The following COL16A1 variants were observed in gnomAD, a reference collection of about 807,000 sequenced individuals.
COL16A1 encodes collagen alpha-1(XVI) chain.
Under a neutral mutation model 266.3 loss-of-function variants are expected in COL16A1, and 189 were observed. The ratio of observed to expected loss-of-function variants is 0.71; its 90% CI spans 0.63 to 0.80. The LOEUF (loss-of-function observed/expected upper bound fraction) is 0.80, where lower values mean the gene tolerates loss of function less well. Among genes scored for constraint, COL16A1 ranks in the 30% least tolerant of loss-of-function variants. The pLI is 0.00. For missense variants in COL16A1, 1,928 were observed against 2,122.4 expected (o/e 0.91, Z 1.80); for synonymous variants, 740 against 782.3 (o/e 0.95, Z 0.90).
At chr1:31,667,722 A>G (rs1642262186) in intron 51 of COL16A1, 94 bp from the exon 52 acceptor site, 2 of 1,249,352 alleles carry the variant, frequency 1.6e-6, no homozygotes, top group Admixed American at 2.0e-5. Flanking sequence ...TGGCACCCAG[A>G]CTGGCTCTGG....
At chr1:31,662,684 C>CCCCCCCCCCCCCCCA in intron 56 of COL16A1, 26 bp from the exon 57 acceptor site, 1 of 1,050,162 alleles carries the variant, frequency 9.5e-7, no homozygotes, top group South Asian at 1.4e-5. Flanking sequence ...GCCCCCCCCC[C>CCCCCCCCCCCCCCCA]CCGCCCCACA....
In COL16A1 at chr1:31,692,916, A is replaced by G. The variant is rs1267689907; in HGVS notation, c.1072-108T>C. Reference sequence around the variant, plus strand: ...ACCCCATAGTCCTAAGTATCCCTAGAAAAGGGGGGCTTCTACACCCAAACC... The same window carrying G: ...ACCCCATAGTCCTAAGTATCCCTAGGAAAGGGGGGCTTCTACACCCAAACC... On this transcript the variant is annotated intron_variant, in intron 13 of 70. Coordinates refer to ENST00000373672, the MANE Select transcript of COL16A1 (RefSeq NM_001856.4). 3.5e-6 allele frequency: 4 copies of G among 1,158,780 alleles called. 1 individual carries two copies. Among genetic ancestry groups the G allele is most frequent in the African/African-American group, 1.5e-5 (1 of 65,448 alleles). 71.8% of individuals were successfully genotyped at this position (1,158,780 alleles called of 1,614,324 possible). A position where few individuals can be genotyped will look rare whatever the true frequency, so the allele number is the denominator to read the frequency against.
In COL16A1 at chr1:31,670,735, G is replaced by C. The variant is rs1314819751; in HGVS notation, c.3151-89C>G. 2 of 1,117,072 alleles carry C rather than the reference G, an allele frequency of 1.8e-6. No individual in the cohort carries two copies. Among genetic ancestry groups the C allele is most frequent in the African/African-American group, 3.5e-5 (2 of 57,644 alleles). 69.2% of individuals were successfully genotyped at this position (1,117,072 alleles called of 1,614,324 possible). On this transcript the variant is annotated intron_variant, in intron 48 of 70. Transcript: ENST00000373672. The surrounding 1 kb of genome is among the most constrained non-coding windows in gnomAD (Gnocchi z 4.5). ...CACAGTCTGGGGCTTGGGGGTCATG[G>C]GGAGAGGAGGTCATGGGAGTATTTT...
At chr1:31,678,460 T>C (rs966162712) in intron 42 of COL16A1, among the ~76,000 whole-genome samples, 2 of 152,148 alleles carry the variant, frequency 1.3e-5, no homozygotes, top group Non-Finnish European at 1.5e-5. Context: ...CAGTCTAGCA[T>C]TGTCAATTCC....
At chr1:31,666,390 CCT>C (rs1642146824) in intron 52 of COL16A1, 1 of 380,278 alleles carries the variant, frequency 2.6e-6, no homozygotes, top group African/African-American at 2.1e-5. Flanking sequence ...GCTCCCTCTG[CCT>C]CTGAGTGGGG....
In COL16A1 at chr1:31,689,830, G is replaced by A; in HGVS notation, c.1531C>T (p.Pro511Ser). The A allele has an allele frequency of 1.9e-6, 3 of 1,614,036 alleles. No individual in the cohort carries two copies. Among genetic ancestry groups the A allele is most frequent in the Non-Finnish European group, 1.7e-6 (2 of 1,179,978 alleles). Residue 511 changes from proline to serine, a missense_variant, in exon 23 of 71, where the codon CCA becomes TCA. Physicochemically the swap from Pro to Ser is moderately conservative, Grantham distance 74 (BLOSUM62 -1). Coordinates refer to ENST00000373672, the MANE Select transcript of COL16A1 (RefSeq NM_001856.4). ...TTCTGGAACCCTTCAGGCAGTGTTGGGCACACTTCACAGGGGTCACCCTAG... is the reference window on the plus strand; with the variant it reads ...TTCTGGAACCCTTCAGGCAGTGTTGAGCACACTTCACAGGGGTCACCCTAG... Reference protein sequence around the residue: ...GEKGDPCEVCPTLPEGFQNFV... With the variant: ...GEKGDPCEVCSTLPEGFQNFV...
In COL16A1 at chr1:31,698,355, G is replaced by A. The variant is rs1570598375; in HGVS notation, c.390+128C>T. 6.5e-7 allele frequency: 1 copy of A among 1,533,460 alleles called. No individual in the cohort carries two copies. Among genetic ancestry groups the A allele is most frequent in the East Asian group, 2.3e-5 (1 of 44,402 alleles). 95.0% of individuals were successfully genotyped at this position (1,533,460 alleles called of 1,614,324 possible). ...AATGAGGTAGGTACTGGTGGGCTGG[G>A]GACAGGCTTGAGGGTAGGCACAGGA... On this transcript the variant is annotated intron_variant, in intron 5 of 70. Transcript: ENST00000373672. This position sits in a 1 kb window ranked among gnomAD's most constrained non-coding sequence, Gnocchi z 4.1.
chr1:31,687,381 C>CAAAA (rs60096709), intron 26 of COL16A1, among the ~76,000 whole-genome samples: 1 of 59,772 alleles, frequency 1.7e-5, no homozygotes, highest in African/African-American at 5.8e-5. Context: ...GACTCAGTCT[C>CAAAA]AAAAAAAAAA....
rs779261362 is a variant in COL16A1 at position 31,684,828 on chromosome 1, C to A, written c.2045G>T (p.Gly682Val). 1 of 1,614,146 alleles carries A rather than the reference C, an allele frequency of 6.2e-7. No individual in the cohort carries two copies. Among genetic ancestry groups the A allele is most frequent in the South Asian group, 1.1e-5 (1 of 91,088 alleles). ...QGKAGERGLKGQKGDAGNPGD... is the reference protein window; with the variant it reads ...QGKAGERGLKVQKGDAGNPGD... ...CCACGGACGCCCTCTCACCTTCTGCCCCTTCAGTCCACGCTCTCCAGCCTT... is the reference window on the plus strand; with the variant it reads ...CCACGGACGCCCTCTCACCTTCTGCACCTTCAGTCCACGCTCTCCAGCCTT... Residue 682 changes from glycine to valine, a missense_variant, in exon 30 of 71, where the codon GGG becomes GTG. This residue lies in a region of COL16A1 where 1,552 missense variants were observed against 1,637.2 expected (regional missense o/e 0.95). Coordinates refer to ENST00000373672, the MANE Select transcript of COL16A1 (RefSeq NM_001856.4).
intron 49 of COL16A1, among the ~76,000 whole-genome samples, chr1:31,669,239 G>A (rs537403253): frequency 6.6e-6 from 1 of 152,208 alleles, no homozygotes; most frequent in Admixed American, 6.5e-5. Context: ...AGGGGCAACT[G>A]TCAGGAGAGG....
chr1:31,654,567 G>A (rs530574649), intron 68 of COL16A1, among the ~76,000 whole-genome samples: 26 of 152,184 alleles, frequency 1.7e-4, no homozygotes, highest in Non-Finnish European at 2.5e-4. Context: ...TCAAGTGGGG[G>A]CTCGGGGAAT....
In COL16A1 at chr1:31,665,155, C is replaced by G; in HGVS notation, c.3555+17G>C. 8 of 1,604,522 alleles carry G rather than the reference C, an allele frequency of 5.0e-6. No homozygotes were observed. The highest frequency in any genetic ancestry group is 6.8e-6 in the Non-Finnish European group (8 of 1,177,376). ...TGGCTCAGATCTGTGACTTTGCCAA[C>G]CCAGGGTCCTGCTCACCTTCTCTGC... On this transcript the variant is annotated intron_variant, in intron 56 of 70. Coordinates refer to ENST00000373672, the MANE Select transcript of COL16A1 (RefSeq NM_001856.4).
At chr1:31,687,689 G>C (rs891344933) in intron 26 of COL16A1, among the ~76,000 whole-genome samples, 1 of 151,928 alleles carries the variant, frequency 6.6e-6, no homozygotes, top group Non-Finnish European at 1.5e-5. Flanking sequence ...GCTTTGAGGG[G>C]CTGGCTGTGA....
chr1:31,689,041 T>C lies in COL16A1; in HGVS notation c.1656+9A>G, dbSNP rs1243293909. ...GAGGAGGGCAGCCAGGAGAGCAGGG[T>C]TCCCTCACCTTCTCTCCTTTGATGC... On this transcript the variant is annotated intron_variant, in intron 24 of 70. Transcript: ENST00000373672. 3.1e-6 allele frequency: 5 copies of C among 1,613,642 alleles called. No homozygotes were observed. Among genetic ancestry groups the C allele is most frequent in the Non-Finnish European group, 4.2e-6 (5 of 1,179,900 alleles).
rs764385180 is a variant in COL16A1 at position 31,691,460 on chromosome 1, G to C, written c.1355C>G (p.Pro452Arg). ...PEGLAGEPGP[P>R]GLPGPPGIGL... Reference sequence around the variant, plus strand: ...TATCCCAGGGGGTCCAGGGAGGCCGGGGGGCCCAGGCTCTCCTGCCAGCCC... The same window carrying C: ...TATCCCAGGGGGTCCAGGGAGGCCGCGGGGCCCAGGCTCTCCTGCCAGCCC... The change falls in exon 19 of 71, where the codon CCC becomes CGC. Residue 452 changes from proline to arginine, a missense_variant. Transcript: ENST00000373672. 6.2e-7 allele frequency: 1 copy of C among 1,613,190 alleles called. No homozygotes were observed. Among genetic ancestry groups the C allele is most frequent in the Non-Finnish European group, 8.5e-7 (1 of 1,179,480 alleles).
At chr1:31,674,971 C>A in intron 44 of COL16A1, 36 bp downstream of exon 44, 1 of 1,607,362 alleles carries the variant, frequency 6.2e-7, no homozygotes, top group Non-Finnish European at 8.5e-7. Context: ...GAGACACCCC[C>A]GCCAGCTCAC....
chr1:31,698,314 C>A lies in COL16A1; in HGVS notation c.391-142G>T. ...AAGAAAGCCGGCTGGGGTCAAGGAG[C>A]TATACATCCTGAAAGAATGAGGTAG... On this transcript the variant is annotated intron_variant, in intron 5 of 70. Coordinates refer to ENST00000373672, the MANE Select transcript of COL16A1 (RefSeq NM_001856.4). The surrounding 1 kb of genome is among the most constrained non-coding windows in gnomAD (Gnocchi z 4.1). 2 of 1,533,380 alleles carry A rather than the reference C, an allele frequency of 1.3e-6. No individual in the cohort carries two copies. The highest frequency in any genetic ancestry group is 2.0e-5 in the Admixed American group (1 of 50,736). 95.0% of individuals were successfully genotyped at this position (1,533,380 alleles called of 1,614,324 possible). A position where few individuals can be genotyped will look rare whatever the true frequency, so the allele number is the denominator to read the frequency against.
chr1:31,684,130 G>A lies in COL16A1; in HGVS notation c.2262C>T (p.Gly754=), dbSNP rs762839880. 4 of 1,563,722 alleles carry A rather than the reference G, an allele frequency of 2.6e-6. No homozygotes were observed. Among genetic ancestry groups the A allele is most frequent in the African/African-American group, 1.4e-5 (1 of 74,060 alleles). The change falls in exon 32 of 71, where the codon GGC becomes GGT. Residue 754 remains glycine (G), a synonymous_variant. Coordinates refer to ENST00000373672, the MANE Select transcript of COL16A1 (RefSeq NM_001856.4). ...PGPKGEQGPE[G]VGRPGKPGQP... is the part of the protein sequence containing the mutation. ...TCACGGGTTTACCAGGTCGGCCCACGCCTTCGGGGCCCTGCTCTCCTTTGG... is the reference window on the plus strand; with the variant it reads ...TCACGGGTTTACCAGGTCGGCCCACACCTTCGGGGCCCTGCTCTCCTTTGG...
chr1:31,702,335 T>A, intron 1 of COL16A1, 108 bp from the exon 2 acceptor site: 3 of 1,152,454 alleles, frequency 2.6e-6, no homozygotes, highest in Non-Finnish European at 3.8e-6. Flanking sequence ...GGTATTGGGG[T>A]GGCAGGAGGT....
Sources: gnomAD v4.1 joint callset for allele counts (sites outside exome capture counted in the v4.1 genomes callset) on GRCh38, gnomAD v4.1.1 for gene constraint, gnomAD v4.1.1 regional missense constraint, Gnocchi (gnomAD v3.1) non-coding constraint, MANE v1.5 for transcripts, NCBI Gene and HGNC (gene_info 2026-07-23, HGNC 2026-07-21) for gene names.